NUP43: variants seen among roughly 807,000 people sequenced by gnomAD.
NUP43 encodes nucleoporin 43.
A neutral mutation model predicts 47.3 loss-of-function variants in NUP43; 32 were observed. That is an observed-to-expected ratio of 0.68 (90% confidence interval 0.51 to 0.91). The LOEUF (loss-of-function observed/expected upper bound fraction) is 0.91. NUP43 is among the 40% of genes least tolerant of loss of function. The probability of loss-of-function intolerance (pLI) is 0.00; values close to 1 mark genes in which losing one functional copy is unlikely to be tolerated. For synonymous variants in NUP43, 147 were observed against 158.4 expected (o/e 0.93, Z 0.54); for missense variants, 444 against 453.9 (o/e 0.98, Z 0.20).
At chr6:149,742,168 A>G (rs1008763962) in intron 4 of NUP43, among the ~76,000 whole-genome samples, 3 of 152,180 alleles carry the variant, frequency 2.0e-5, no homozygotes, top group African/African-American at 7.2e-5. Flanking sequence ...CTGGGATTAC[A>G]GGCATGTGCC....
upstream of NUP43, chr6:149,746,619 C>T (rs1786026807): frequency 1.9e-6 from 3 of 1,603,424 alleles, no homozygotes; most frequent in Admixed American, 5.2e-5. Flanking sequence ...TGCAGAGAGT[C>T]AATTCTCGTC....
upstream of NUP43, chr6:149,746,565 C>A: frequency 6.2e-7 from 1 of 1,612,760 alleles, no homozygotes; most frequent in Non-Finnish European, 8.5e-7. Flanking sequence ...CGCCTCTTCC[C>A]GCGGAACCCT....
intron 6 of NUP43, among the ~76,000 whole-genome samples, chr6:149,732,219 G>A (rs1269624095): frequency 6.7e-6 from 1 of 149,886 alleles, no homozygotes; most frequent in Non-Finnish European, 1.5e-5. Context: ...GGAAAAAGAA[G>A]CCAACTAAAT....
intron 4 of NUP43, among the ~76,000 whole-genome samples, chr6:149,741,288 C>G (rs1785640474): frequency 1.3e-5 from 2 of 152,180 alleles, no homozygotes; most frequent in Non-Finnish European, 2.9e-5. Context: ...ATTCTCATGC[C>G]TCAGCCTCCC....
At position 149,726,821 on chromosome 6, in the gene NUP43, A is replaced by C; in HGVS notation, c.*148T>G. ...CTGTTTGGGAGTGTCAGGCTAACAA[A>C]AGTCAAAACTGGGCATTGACATTAA... On this transcript the variant is annotated 3_prime_UTR_variant, in exon 8 of 8. Coordinates refer to ENST00000340413, the MANE Select transcript of NUP43 (RefSeq NM_198887.3). The C allele has an allele frequency of 1.6e-6, 1 of 641,890 alleles. No homozygotes were observed. Among genetic ancestry groups the C allele is most frequent in the East Asian group, 2.7e-5 (1 of 36,592 alleles). The allele number at this position is 641,890 out of a possible 1,614,324, so 39.8% of individuals were successfully genotyped here. A position where few individuals can be genotyped will look rare whatever the true frequency, so the allele number is the denominator to read the frequency against.
chr6:149,736,402 T>G, intron 6 of NUP43, 69 bp downstream of exon 6: 1 of 1,115,162 alleles, frequency 9.0e-7, no homozygotes, highest in Non-Finnish European at 1.2e-6. Flanking sequence ...TGTATCATTA[T>G]GGAAAGGTGC....
At chr6:149,727,672 T>A (rs1424442506) in intron 7 of NUP43, 1 of 794,050 alleles carries the variant, frequency 1.3e-6, no homozygotes, top group Non-Finnish European at 1.5e-6. Flanking sequence ...ATATATTTGT[T>A]ACTATATTTC....
chr6:149,731,744 C>G lies in NUP43; in HGVS notation c.791-9G>C. ...AAAGTGAACTTCCCACACTAAGAGA[C>G]AAGAATCAATAAGCTCATTCCTGTG... On this transcript the variant is annotated splice_polypyrimidine_tract_variant and intron_variant, in intron 6 of 7. Coordinates refer to ENST00000340413, the MANE Select transcript of NUP43 (RefSeq NM_198887.3). 2.5e-6 allele frequency: 4 copies of G among 1,613,016 alleles called. No homozygotes were observed. Among genetic ancestry groups the G allele is most frequent in the Non-Finnish European group, 3.4e-6 (4 of 1,179,574 alleles).
intron 4 of NUP43, among the ~76,000 whole-genome samples, chr6:149,739,372 C>T (rs543214223): frequency 1.3e-5 from 2 of 152,180 alleles, no homozygotes; most frequent in East Asian, 3.9e-4. Flanking sequence ...CTACAACCTC[C>T]GCCTCCCAGG....
intron 2 of NUP43, among the ~76,000 whole-genome samples, chr6:149,745,293 G>A (rs1785915860): frequency 6.6e-6 from 1 of 151,576 alleles, no homozygotes; most frequent in South Asian, 2.1e-4. Flanking sequence ...CCAGCTACCC[G>A]GGAGGCTGAG....
rs1382665797 is a variant in NUP43, at chr6:149,731,767, G to A, written c.791-32C>T. The A allele has an allele frequency of 2.5e-6, 4 of 1,606,298 alleles. No homozygotes were observed. The Admixed American group carries it at 5.1e-5, about 20-fold the overall frequency. Reference sequence around the variant, plus strand: ...GACAAGAATCAATAAGCTCATTCCTGTGCAGATTCGCTGAACAAACAACAT... The same window carrying A: ...GACAAGAATCAATAAGCTCATTCCTATGCAGATTCGCTGAACAAACAACAT... On this transcript the variant is annotated intron_variant, in intron 6 of 7. Transcript: ENST00000340413.
At position 149,742,563 on chromosome 6, in the gene NUP43, G is replaced by C; in HGVS notation, c.329C>G (p.Ser110Ter). The C allele has an allele frequency of 6.2e-7, 1 of 1,613,202 alleles. No homozygotes were observed. The highest frequency in any genetic ancestry group is 8.5e-7 in the Non-Finnish European group (1 of 1,179,178). The change falls in exon 4 of 8, where the codon TCA becomes TGA. Residue 110 changes from serine to a stop codon, truncating the protein, a stop_gained. Transcript: ENST00000340413. LOFTEE classifies it high-confidence loss of function. ...FLHHPNNQTL[S>*]VNQQWTTAHY... Reference sequence around the variant, plus strand: ...AGCTGTAGTCCACTGCTGGTTGACTGACAGAGTCTAGGCATCAGAAATGAG... The same window carrying C: ...AGCTGTAGTCCACTGCTGGTTGACTCACAGAGTCTAGGCATCAGAAATGAG...
At position 149,735,598 on chromosome 6, in the gene NUP43, CAAAAA is replaced by C. The variant is rs57726234; in HGVS notation, c.790+868_790+872del. Among the ~76,000 whole-genome samples, 78 of 51,314 alleles carry C rather than the reference CAAAAA, an allele frequency of 1.5e-3. 1 individual carries two copies. Among genetic ancestry groups the C allele is most frequent in the Middle Eastern group, 0.016 (1 of 62 alleles). 33.7% of individuals were successfully genotyped at this position (51,314 alleles called of 152,430 possible). ...AGGCAACAGAGAGAGACCCTGTCTC[CAAAAA>C]AAAAAAAAAAAAAAAAACACACACA... On this transcript the variant is annotated intron_variant, in intron 6 of 7. Coordinates refer to ENST00000340413, the MANE Select transcript of NUP43 (RefSeq NM_198887.3).
upstream of NUP43, among the ~76,000 whole-genome samples, chr6:149,748,584 C>G (rs1270406350): frequency 3.3e-5 from 5 of 151,858 alleles, no homozygotes; most frequent in South Asian, 1.0e-3. Context: ...CCGAGGCGGG[C>G]GGATCATAAG....
chr6:149,735,001 C>T (rs1026163214), intron 6 of NUP43, among the ~76,000 whole-genome samples: 2 of 151,914 alleles, frequency 1.3e-5, no homozygotes, highest in Non-Finnish European at 2.9e-5. Flanking sequence ...AATATGACAG[C>T]CTGCATTTGC....
At chr6:149,733,381 T>C (rs1416022513) in intron 6 of NUP43, among the ~76,000 whole-genome samples, 3 of 152,192 alleles carry the variant, frequency 2.0e-5, no homozygotes, top group Non-Finnish European at 4.4e-5. Flanking sequence ...AGCCCACATA[T>C]GTATGCTTCA....
At chr6:149,746,574 C>T (rs751608669), upstream of NUP43, 7 of 1,612,256 alleles carry the variant, frequency 4.3e-6, no homozygotes, top group Admixed American at 1.7e-5. Flanking sequence ...CCGCGGAACC[C>T]TGATTGGATG....
chr6:149,743,251 A>G (rs1785763808), intron 3 of NUP43, among the ~76,000 whole-genome samples: 1 of 151,918 alleles, frequency 6.6e-6, no homozygotes, highest in Admixed American at 6.6e-5. Flanking sequence ...TAAATGACTC[A>G]AAAAAACCCT....
Position 149,742,417 on chromosome 6 carries a change from C to A in NUP43, c.475G>T (p.Asp159Tyr). The A allele has an allele frequency of 6.2e-7, 1 of 1,614,048 alleles. No homozygotes were observed. Among genetic ancestry groups the A allele is most frequent in the Non-Finnish European group, 8.5e-7 (1 of 1,179,948 alleles). Reference protein sequence around the residue: ...EDGRINLFRADHKEAVRTIDN... With the variant: ...EDGRINLFRAYHKEAVRTIDN... ...ATGGTTCTTACAGCTTCCTTGTGAT[C>A]AGCTCTGAAGAGATTTATTCGACCA... The change falls in exon 4 of 8, where the codon GAT becomes TAT. Residue 159 changes from aspartate to tyrosine, a missense_variant. Coordinates refer to ENST00000340413, the MANE Select transcript of NUP43 (RefSeq NM_198887.3).
Sources: gnomAD v4.1 joint callset for allele counts (sites outside exome capture counted in the v4.1 genomes callset) on GRCh38, gnomAD v4.1.1 for gene constraint, MANE v1.5 for transcripts, NCBI Gene and HGNC (gene_info 2026-07-23, HGNC 2026-07-21) for gene names.